Variants in GALNTL6 observed in about 807,000 individuals in gnomAD.
GALNTL6 encodes the protein polypeptide N-acetylgalactosaminyltransferase like 6.
GALNTL6 carries 46 observed loss-of-function variants against 73.7 expected under a neutral mutation model. The ratio of observed to expected loss-of-function variants is 0.62; its 90% CI spans 0.49 to 0.80. GALNTL6 has a LOEUF of 0.80. GALNTL6 is among the 30% of genes least tolerant of loss of function. The pLI is 0.00. For synonymous variants in GALNTL6, 259 were observed against 263.7 expected (o/e 0.98, Z 0.17); for missense variants, 604 against 755.0 (o/e 0.80, Z 2.34).
chr4:172,534,036 G>T (rs1192549055), intron 5 of GALNTL6, among the ~76,000 whole-genome samples: 3 of 152,202 alleles, frequency 2.0e-5, no homozygotes, highest in Admixed American at 2.0e-4. Context: ...GGCTGTGGAA[G>T]AAGTGATTCC....
At chr4:171,849,628 T>C (rs1010384260) in intron 2 of GALNTL6, among the ~76,000 whole-genome samples, 8 of 152,118 alleles carry the variant, frequency 5.3e-5, no homozygotes, top group African/African-American at 1.9e-4. Flanking sequence ...AATAGGTAAA[T>C]TTACATTGAG....
intron 7 of GALNTL6, among the ~76,000 whole-genome samples, chr4:172,871,586 T>C (rs966210520): frequency 1.6e-5 from 2 of 129,008 alleles, no homozygotes; most frequent in East Asian, 3.1e-4. Flanking sequence ...AGTCTCTGAC[T>C]CTGGGGGGGG....
intron 10 of GALNTL6, among the ~76,000 whole-genome samples, chr4:172,962,548 G>A (rs1302483677): frequency 1.3e-5 from 2 of 152,068 alleles, no homozygotes; most frequent in Admixed American, 1.3e-4. Context: ...TATTATTTTA[G>A]TAAGAAAGTG....
At chr4:171,903,095 A>C (rs1046469638) in intron 2 of GALNTL6, among the ~76,000 whole-genome samples, 1 of 152,176 alleles carries the variant, frequency 6.6e-6, no homozygotes, top group Non-Finnish European at 1.5e-5. Context: ...TAAGAACTTA[A>C]AGAGATTGAT....
In GALNTL6 at chr4:172,917,559, A is replaced by G. The variant is rs1400310183; in HGVS notation, c.1042-13602A>G. ...ACTCAAACAAATTTACACGAAAAAA[A>G]CAAACAACCCCATCAAAAAGTGGGC... On this transcript the variant is annotated intron_variant, in intron 8 of 12. Coordinates refer to ENST00000506823, the MANE Select transcript of GALNTL6 (RefSeq NM_001034845.3). Among the ~76,000 whole-genome samples, 6 of 152,194 alleles carry G rather than the reference A, an allele frequency of 3.9e-5. No individual in the cohort carries two copies. In the South Asian group the frequency reaches 8.3e-4, roughly 21 times the overall value.
chr4:172,474,123 G>A (rs1243876867), intron 5 of GALNTL6, among the ~76,000 whole-genome samples: 6 of 151,994 alleles, frequency 3.9e-5, no homozygotes, highest in Admixed American at 6.6e-5. Flanking sequence ...TACTCCCAAC[G>A]CAGAGCAGCC....
At chr4:171,846,856 T>C (rs1046101695) in intron 2 of GALNTL6, among the ~76,000 whole-genome samples, 8 of 145,420 alleles carry the variant, frequency 5.5e-5, no homozygotes, top group Non-Finnish European at 1.0e-4. Context: ...TTATATATAA[T>C]ATATAATTAT....
intron 5 of GALNTL6, among the ~76,000 whole-genome samples, chr4:172,662,740 A>C (rs1218146501): frequency 1.3e-5 from 2 of 152,186 alleles, no homozygotes; most frequent in Non-Finnish European, 2.9e-5. Context: ...GCCAGACAAG[A>C]CCCTGCTGAA....
intron 7 of GALNTL6, among the ~76,000 whole-genome samples, chr4:172,822,825 T>C (rs1426335018): frequency 1.3e-5 from 2 of 152,206 alleles, no homozygotes; most frequent in Non-Finnish European, 2.9e-5. Context: ...TTATCCACTT[T>C]GTTCTGCTTC....
intron 3 of GALNTL6, among the ~76,000 whole-genome samples, chr4:172,305,524 T>C (rs1740099907): frequency 6.6e-6 from 1 of 152,176 alleles, no homozygotes; most frequent in South Asian, 2.1e-4. Flanking sequence ...GAAATAGATG[T>C]AGCAATAGAG....
chr4:172,678,545 A>G (rs1418007754), intron 5 of GALNTL6, among the ~76,000 whole-genome samples: 1 of 152,162 alleles, frequency 6.6e-6, no homozygotes, highest in Non-Finnish European at 1.5e-5. Context: ...GGGTTTCTCC[A>G]TGTTGGTCAA....
chr4:172,712,293 AC>A (rs1464435894), intron 5 of GALNTL6, among the ~76,000 whole-genome samples: 1 of 152,108 alleles, frequency 6.6e-6, no homozygotes. Flanking sequence ...CATTGATGCC[AC>A]TTTTCTTTTT....
intron 5 of GALNTL6, among the ~76,000 whole-genome samples, chr4:172,778,665 A>G (rs1739205837): frequency 6.6e-6 from 1 of 152,228 alleles, no homozygotes; most frequent in Non-Finnish European, 1.5e-5. Context: ...TTGTAGCAGT[A>G]TTGGAATCTA....
intron 7 of GALNTL6, among the ~76,000 whole-genome samples, chr4:172,876,011 C>T (rs1161782023): frequency 6.6e-6 from 1 of 152,128 alleles, no homozygotes; most frequent in Non-Finnish European, 1.5e-5. Context: ...ACTTCAGAAC[C>T]AACAACTTAA....
intron 9 of GALNTL6, among the ~76,000 whole-genome samples, chr4:172,947,881 G>T (rs1196994023): frequency 1.3e-5 from 2 of 152,092 alleles, no homozygotes; most frequent in Non-Finnish European, 2.9e-5. Context: ...CCTGGAGTGG[G>T]TCAATTTATT....
At chr4:172,613,259 G>A (rs1371200453) in intron 5 of GALNTL6, among the ~76,000 whole-genome samples, 3 of 152,020 alleles carry the variant, frequency 2.0e-5, no homozygotes, top group African/African-American at 4.8e-5. Context: ...AAAGAACTAA[G>A]GAGTACAGAT....
intron 5 of GALNTL6, among the ~76,000 whole-genome samples, chr4:172,501,696 A>G (rs1734267090): frequency 6.6e-6 from 1 of 152,164 alleles, no homozygotes; most frequent in African/African-American, 2.4e-5. Context: ...ATCTCAGCAT[A>G]TAGACCTTGT....
At chr4:172,947,217 A>G (rs1369091989) in intron 9 of GALNTL6, among the ~76,000 whole-genome samples, 1 of 152,126 alleles carries the variant, frequency 6.6e-6, no homozygotes, top group Non-Finnish European at 1.5e-5. Flanking sequence ...ACCGAGAGAC[A>G]TTTGAGAGAT....
intron 5 of GALNTL6, among the ~76,000 whole-genome samples, chr4:172,514,928 C>A (rs567684889): frequency 4.7e-4 from 71 of 152,334 alleles, no homozygotes; most frequent in African/African-American, 1.5e-3. Flanking sequence ...CCCTCTCACA[C>A]CTTGGACACT....
Sources: gnomAD v4.1 joint callset for allele counts (sites outside exome capture counted in the v4.1 genomes callset) on GRCh38, gnomAD v4.1.1 for gene constraint, MANE v1.5 for transcripts, NCBI Gene and HGNC (gene_info 2026-07-23, HGNC 2026-07-21) for gene names.